Variants in METTL13 observed in about 807,000 individuals in gnomAD.
METTL13 encodes methyltransferase 13, eEF1A N-terminus and K55.
METTL13 carries 52 observed loss-of-function variants against 67.4 expected under a neutral mutation model. That is an observed-to-expected ratio of 0.77 (90% CI 0.62 to 0.97). The LOEUF (loss-of-function observed/expected upper bound fraction) is 0.97, where lower values mean the gene tolerates loss of function less well. Among genes scored for constraint, METTL13 ranks in the 50% least tolerant of loss-of-function variants. The pLI is 0.00. For missense variants in METTL13, 825 were observed against 889.6 expected, an observed-to-expected ratio of 0.93 and a Z score of 0.92; for synonymous variants, 354 against 353.6, an observed-to-expected ratio of 1.00 and a Z score of -0.01.
Position 171,796,619 on chromosome 1 carries a change from C to G in METTL13, c.1963C>G (p.His655Asp), listed in dbSNP as rs1657386964. The change falls in exon 8 of 8, where the codon CAC (histidine) becomes GAC (aspartate). Residue 655 changes from histidine (H) to aspartate (D), a missense_variant. By Grantham distance (81) the His-to-Asp change is moderately conservative. Coordinates refer to ENST00000361735, the MANE Select transcript of METTL13 (RefSeq NM_015935.5). Reference sequence around the variant, plus strand: ...GAATGAGATCCTGTTCTGTCAGCTGCACCCTGAGCAAAAACTTGCCACACC... The same window carrying G: ...GAATGAGATCCTGTTCTGTCAGCTGGACCCTGAGCAAAAACTTGCCACACC... ...EVNEILFCQLHPEQKLATPEL... is the reference protein window; with the variant it reads ...EVNEILFCQLDPEQKLATPEL... 6.2e-7 allele frequency: 1 copy of G among 1,614,078 alleles called. No homozygotes were observed. Among genetic ancestry groups the G allele is most frequent in the Non-Finnish European group, 8.5e-7 (1 of 1,180,040 alleles).
At chr1:171,789,848 T>TGGGGGGGGGGG (rs1657143949) in intron 4 of METTL13, among the ~76,000 whole-genome samples, 9 of 99,404 alleles carry the variant, frequency 9.1e-5, no homozygotes, top group African/African-American at 1.9e-4. Context: ...TGGGGCGGGG[T>TGGGGGGGGGGG]AGGGGGGGCA....
At chr1:171,786,959 AAAG>A (rs1456115955) in intron 3 of METTL13, among the ~76,000 whole-genome samples, 1 of 151,984 alleles carries the variant, frequency 6.6e-6, no homozygotes, top group African/African-American at 2.4e-5. Context: ...ATCTGAAAAA[AAAG>A]AACCCAGGCT....
At chr1:171,787,635 G>A (rs1266080154) in intron 3 of METTL13, 100 bp from the exon 4 acceptor site, 13 of 1,081,192 alleles carry the variant, frequency 1.2e-5, no homozygotes, top group African/African-American at 3.2e-5. Flanking sequence ...GTCTAGAACC[G>A]TGGTATGGGG....
chr1:171,792,204 C>G lies in METTL13; in HGVS notation c.1662C>G (p.Asp554Glu). 1 of 1,614,216 alleles carries G rather than the reference C, an allele frequency of 6.2e-7. No individual in the cohort carries two copies. Among genetic ancestry groups the G allele is most frequent in the East Asian group, 2.2e-5 (1 of 44,890 alleles). Residue 554 changes from aspartate to glutamate, a missense_variant, in exon 6 of 8, where the codon GAC becomes GAG. Coordinates refer to ENST00000361735, the MANE Select transcript of METTL13 (RefSeq NM_015935.5). ...AGGTCCACATTGCAGATGGCCTGGA[C>G]TATATCGCCAGCTTGGCAGGAGGAG... is the stretch of plus-strand genomic sequence containing the variant. ...RMKVHIADGL[D>E]YIASLAGGGE...
intron 1 of METTL13, 35 bp from the exon 2 acceptor site, chr1:171,783,705 A>G: frequency 6.4e-7 from 1 of 1,571,268 alleles, no homozygotes; most frequent in South Asian, 1.2e-5. Context: ...CTTTGCTTTG[A>G]TTACCTCCCT....
chr1:171,791,288 G>A (rs1477976242), intron 5 of METTL13, among the ~76,000 whole-genome samples: 1 of 152,136 alleles, frequency 6.6e-6, no homozygotes, highest in Non-Finnish European at 1.5e-5. Flanking sequence ...TAGGAGTTGG[G>A]CCTTTGTTTT....
rs1450278419 is a variant in METTL13, at chr1:171,784,433, A to C, written c.847A>C (p.Thr283Pro). Residue 283 changes from threonine (T) to proline (P), a missense_variant, in exon 2 of 8, where the codon ACC becomes CCC. Coordinates refer to ENST00000361735, the MANE Select transcript of METTL13 (RefSeq NM_015935.5). ...TGGGGACACGGGGGAGCCACGCTAC[A>C]CCCTCCACGTGGTGGACAGCCCCAC... The part of the protein sequence containing the change: ...CDGDTGEPRY[T>P]LHVVDSPTVK... 2 of 1,518,898 alleles carry C rather than the reference A, an allele frequency of 1.3e-6. No individual in the cohort carries two copies. Among genetic ancestry groups the C allele is most frequent in the East Asian group, 2.3e-5 (1 of 43,918 alleles). The allele number at this position is 1,518,898 out of a possible 1,614,324, so 94.1% of individuals were successfully genotyped here. A position where few individuals can be genotyped will look rare whatever the true frequency, so the allele number is the denominator to read the frequency against.
chr1:171,796,570 T>C lies in METTL13; in HGVS notation c.1914T>C (p.Tyr638=), dbSNP rs756444648. Residue 638 remains tyrosine (Y), a synonymous_variant, in exon 8 of 8, where the codon TAT becomes TAC. Transcript: ENST00000361735. ...AGLKAVFPLL[Y]VRRIEGEVNE... The stretch of plus-strand genomic sequence containing the variant: ...TCAAGGCAGTGTTCCCCCTCCTATA[T>C]GTCCGGCGAATTGAGGGTGAAGTGA... 4.3e-5 allele frequency: 70 copies of C among 1,614,084 alleles called. No individual in the cohort carries two copies. The highest frequency in any genetic ancestry group is 5.8e-5 in the Non-Finnish European group (68 of 1,180,038).
intron 2 of METTL13, among the ~76,000 whole-genome samples, chr1:171,785,017 G>A (rs1656964866): frequency 6.6e-6 from 1 of 152,200 alleles, no homozygotes; most frequent in Non-Finnish European, 1.5e-5. Flanking sequence ...TTGGGTTTCA[G>A]TTTTGGCTCA....
Position 171,783,985 on chromosome 1 carries a change from G to GA in METTL13, c.401dup (p.Thr135AspfsTer11). 1 of 1,614,194 alleles carries GA rather than the reference G, an allele frequency of 6.2e-7. No homozygotes were observed. Among genetic ancestry groups the GA allele is most frequent in the Non-Finnish European group, 8.5e-7 (1 of 1,179,984 alleles). ...ATGCTGTCCTGACAGATGAGGAAGA[G>GA]AAGACCTTACAACAGGTGGACAGGA... On this transcript the variant is annotated frameshift_variant, in exon 2 of 8. Coordinates refer to ENST00000361735, the MANE Select transcript of METTL13 (RefSeq NM_015935.5). LOFTEE classifies it high-confidence loss of function.
chr1:171,786,137 G>A, intron 3 of METTL13, 59 bp downstream of exon 3: 2 of 1,529,326 alleles, frequency 1.3e-6, no homozygotes, highest in Non-Finnish European at 1.8e-6. Flanking sequence ...CAGCCAGGGA[G>A]GCAGAGGGAG....
chr1:171,791,329 C>T (rs1657197731), intron 5 of METTL13, among the ~76,000 whole-genome samples: 1 of 152,084 alleles, frequency 6.6e-6, no homozygotes, highest in Non-Finnish European at 1.5e-5. Context: ...AATGGCTTAC[C>T]CTTACTTGGT....
Position 171,796,609 on chromosome 1 carries a change from C to G in METTL13, c.1953C>G (p.Phe651Leu), listed in dbSNP as rs1403100024. Reference protein sequence around the residue: ...RIEGEVNEILFCQLHPEQKLA... With the variant: ...RIEGEVNEILLCQLHPEQKLA... ...AGGGTGAAGTGAATGAGATCCTGTT[C>G]TGTCAGCTGCACCCTGAGCAAAAAC... The change falls in exon 8 of 8, where the codon TTC becomes TTG. Residue 651 changes from phenylalanine (F) to leucine (L), a missense_variant. Phe to Leu is a conservative substitution (Grantham distance 22). Transcript: ENST00000361735. 6 of 1,614,204 alleles carry G rather than the reference C, an allele frequency of 3.7e-6. No individual in the cohort carries two copies. The highest frequency in any genetic ancestry group is 5.1e-6 in the Non-Finnish European group (6 of 1,180,040).
At chr1:171,782,319 C>G (rs1457849066) in intron 1 of METTL13, among the ~76,000 whole-genome samples, 199 bp downstream of exon 1, 1 of 152,078 alleles carries the variant, frequency 6.6e-6, no homozygotes, top group Non-Finnish European at 1.5e-5. Context: ...ACCTGTAATC[C>G]GAACACTTTG....
chr1:171,787,699 C>T (rs1259279063), intron 3 of METTL13, 36 bp from the exon 4 acceptor site: 3 of 1,581,236 alleles, frequency 1.9e-6, no homozygotes, highest in East Asian at 4.5e-5. Context: ...CTTAAATGAG[C>T]TGCTGTTTTG....
intron 5 of METTL13, chr1:171,790,999 A>G (rs1657187969): frequency 6.3e-6 from 1 of 158,624 alleles, no homozygotes; most frequent in African/African-American, 2.4e-5. Flanking sequence ...AAAGATTCAT[A>G]TTATAGTTAA....
chr1:171,795,526 A>C (rs1440587445), intron 7 of METTL13, among the ~76,000 whole-genome samples: 1 of 152,202 alleles, frequency 6.6e-6, no homozygotes, highest in Non-Finnish European at 1.5e-5. Context: ...CACGTGCTCT[A>C]CTAGGCAGTG....
intron 4 of METTL13, among the ~76,000 whole-genome samples, chr1:171,790,208 C>A (rs975698611): frequency 2.6e-5 from 4 of 152,306 alleles, no homozygotes; most frequent in Non-Finnish European, 5.9e-5. Context: ...GGATCTGCCC[C>A]CGTGACCAGC....
At chr1:171,786,838 T>A (rs930226075) in intron 3 of METTL13, among the ~76,000 whole-genome samples, 2 of 152,130 alleles carry the variant, frequency 1.3e-5, no homozygotes, top group Non-Finnish European at 2.9e-5. Context: ...TGGCTAGTTT[T>A]TTTTTTACAT....
Sources: gnomAD v4.1 joint callset for allele counts (sites outside exome capture counted in the v4.1 genomes callset) on GRCh38, gnomAD v4.1.1 for gene constraint, MANE v1.5 for transcripts, NCBI Gene and HGNC (gene_info 2026-07-23, HGNC 2026-07-21) for gene names.